RB1: variants seen among roughly 807,000 people sequenced by gnomAD.
The protein encoded by RB1 is retinoblastoma-associated protein.
In RB1, 18 loss-of-function variants were observed where a neutral mutation model predicts 135.4. The ratio of observed to expected loss-of-function variants is 0.13; its 90% CI spans 0.09 to 0.20. The LOEUF (loss-of-function observed/expected upper bound fraction) is 0.20. Among genes scored for constraint, RB1 ranks in the 10% least tolerant of loss-of-function variants. The pLI is 1.00. For missense variants in RB1, 868 were observed against 1,110.0 expected (o/e 0.78, Z 3.10); for synonymous variants, 365 against 373.2 (o/e 0.98, Z 0.25).
chr13:48,310,290 C>G (rs1162847143), intron 2 of RB1, among the ~76,000 whole-genome samples: 1 of 152,080 alleles, frequency 6.6e-6, no homozygotes, highest in African/African-American at 2.4e-5. Flanking sequence ...TGGCAGTTGT[C>G]TCTCTTCTTT....
intron 17 of RB1, among the ~76,000 whole-genome samples, chr13:48,390,042 G>A (rs1480999717): frequency 6.6e-6 from 1 of 152,026 alleles, no homozygotes; most frequent in Non-Finnish European, 1.5e-5. Flanking sequence ...TGGTTCTTGG[G>A]AGGCTGAACT....
rs890397141 is a variant in RB1, at chr13:48,409,651, G to T, written c.1695+28208G>T. On this transcript the variant is annotated intron_variant, in intron 17 of 26. Coordinates refer to ENST00000267163, the MANE Select transcript of RB1 (RefSeq NM_000321.3). ...GCTGGAGTGCAGTGGCGAGATCTTG[G>T]CTCACTGCAACCTCTGACTCCTGGG... Among the ~76,000 whole-genome samples, 3 of 131,974 alleles carry T rather than the reference G, an allele frequency of 2.3e-5. No individual in the cohort carries two copies. In the South Asian group the frequency reaches 7.3e-4, roughly 32 times the overall value. 86.6% of individuals were successfully genotyped at this position (131,974 alleles called of 152,430 possible). A position where few individuals can be genotyped will look rare whatever the true frequency, so the allele number is the denominator to read the frequency against.
At chr13:48,467,806 CAAAG>C (rs1279298758) in intron 23 of RB1, among the ~76,000 whole-genome samples, 1 of 7,020 alleles carries the variant, frequency 1.4e-4, no homozygotes, top group African/African-American at 1.7e-4. Context: ...TCAAAAGAGA[CAAAG>C]AAGGCCATTA....
intron 17 of RB1, chr13:48,404,188 G>A (rs764947019): frequency 6.6e-6 from 1 of 152,172 alleles, no homozygotes; most frequent in Non-Finnish European, 1.5e-5. Flanking sequence ...TACAGACACG[G>A]GGCTAGGGTT....
At chr13:48,393,255 T>C (rs1299440995) in intron 17 of RB1, among the ~76,000 whole-genome samples, 3 of 152,218 alleles carry the variant, frequency 2.0e-5, no homozygotes, top group Non-Finnish European at 4.4e-5. Context: ...GAGTTCTCTT[T>C]TTGTAGCTTT....
chr13:48,458,667 G>A (rs1949377334), intron 19 of RB1, among the ~76,000 whole-genome samples: 2 of 152,186 alleles, frequency 1.3e-5, no homozygotes, highest in South Asian at 4.2e-4. Flanking sequence ...TAAAGTTTAA[G>A]ACCACTGAGA....
intron 19 of RB1, among the ~76,000 whole-genome samples, chr13:48,458,340 T>C (rs562131003): frequency 6.6e-6 from 1 of 152,312 alleles, no homozygotes; most frequent in Admixed American, 6.5e-5. Context: ...TGTGCATGCG[T>C]ATATACTTCC....
chr13:48,317,321 CCTT>C, intron 2 of RB1: 1 of 395,762 alleles, frequency 2.5e-6, no homozygotes, highest in Non-Finnish European at 4.5e-6. Flanking sequence ...CCCTCGGACC[CCTT>C]GTCTTTCCCG....
At chr13:48,332,323 C>T (rs1229904260) in intron 2 of RB1, among the ~76,000 whole-genome samples, 1 of 152,174 alleles carries the variant, frequency 6.6e-6, no homozygotes, top group Non-Finnish European at 1.5e-5. Context: ...AATCCCAGCA[C>T]GTTTGGAGAC....
intron 1 of RB1, among the ~76,000 whole-genome samples, chr13:48,305,596 GT>G (rs1472181262): frequency 6.6e-6 from 1 of 152,066 alleles, no homozygotes; most frequent in Non-Finnish European, 1.5e-5. Flanking sequence ...AAAGAGGACT[GT>G]TTCTTTCATT....
At chr13:48,444,687 AG>A (rs1949271619) in intron 17 of RB1, 1 of 152,332 alleles carries the variant, frequency 6.6e-6, no homozygotes, top group African/African-American at 2.4e-5. Context: ...TCAGCTATCC[AG>A]AAGCTCTCCT....
chr13:48,443,471 A>C (rs953549481), intron 17 of RB1, among the ~76,000 whole-genome samples: 1 of 152,202 alleles, frequency 6.6e-6, no homozygotes, highest in Non-Finnish European at 1.5e-5. Flanking sequence ...CAGTTTACTA[A>C]AATAGCTAAG....
In RB1 at chr13:48,303,925, AC is replaced by A. The variant is rs1131690852; in HGVS notation, c.19del (p.Arg7GlufsTer58). Reference protein sequence around the residue: MPPKTPRKTAATAAA... With the variant: MPPKXPRKTAATAAA... Reference sequence around the variant, plus strand: ...GCGGAAAGGCGTCATGCCGCCCAAAACCCCCCGAAAAACGGCCGCCACCGCC... The same window carrying A: ...GCGGAAAGGCGTCATGCCGCCCAAAACCCCCGAAAAACGGCCGCCACCGCC... On this transcript the variant is annotated frameshift_variant, in exon 1 of 27. Coordinates refer to ENST00000267163, the MANE Select transcript of RB1 (RefSeq NM_000321.3). LOFTEE classifies it high-confidence loss of function. 4 of 1,497,498 alleles carry A rather than the reference AC, an allele frequency of 2.7e-6. No homozygotes were observed. Among genetic ancestry groups the A allele is most frequent in the South Asian group, 2.5e-5 (2 of 81,268 alleles). 92.8% of individuals were successfully genotyped at this position (1,497,498 alleles called of 1,614,324 possible).
At chr13:48,346,888 A>G (rs938187351) in intron 4 of RB1, among the ~76,000 whole-genome samples, 1 of 152,054 alleles carries the variant, frequency 6.6e-6, no homozygotes, top group Non-Finnish European at 1.5e-5. Flanking sequence ...AGCAAGCAAA[A>G]ACTTCTTTAA....
At chr13:48,345,418 A>G (rs1243024227) in intron 4 of RB1, among the ~76,000 whole-genome samples, 1 of 152,106 alleles carries the variant, frequency 6.6e-6, no homozygotes, top group African/African-American at 2.4e-5. Context: ...TTATCCTTTC[A>G]TGTCTTCCAT....
chr13:48,363,856 A>G lies in RB1; in HGVS notation c.861+899A>G, dbSNP rs1952666792. Among the ~76,000 whole-genome samples, 3 of 152,210 alleles carry G rather than the reference A, an allele frequency of 2.0e-5. No individual in the cohort carries two copies. In the South Asian group the frequency reaches 6.2e-4, roughly 32 times the overall value. On this transcript the variant is annotated intron_variant, in intron 8 of 26. Coordinates refer to ENST00000267163, the MANE Select transcript of RB1 (RefSeq NM_000321.3). ...TGATAGCTTATTATTTACAGCGTCT[A>G]CATTAGACTTTGGGATATCTGGTAC... is the stretch of plus-strand genomic sequence containing the variant.
intron 2 of RB1, chr13:48,318,216 C>T (rs1010764970): frequency 2.9e-5 from 18 of 627,860 alleles, no homozygotes; most frequent in Non-Finnish European, 4.7e-5. Flanking sequence ...GCCGCTGTCT[C>T]TCTTGGACTT....
intron 2 of RB1, among the ~76,000 whole-genome samples, chr13:48,340,501 A>G (rs1952432510): frequency 6.6e-6 from 1 of 152,090 alleles, no homozygotes; most frequent in Non-Finnish European, 1.5e-5. Context: ...TGTTCTAATA[A>G]AATTCGCTGT....
intron 17 of RB1, among the ~76,000 whole-genome samples, chr13:48,422,156 G>A (rs1269927238): frequency 6.6e-6 from 1 of 152,180 alleles, no homozygotes; most frequent in Non-Finnish European, 1.5e-5. Context: ...AGAAAATGTG[G>A]CACATATATA....
Sources: allele counts gnomAD v4.1 joint callset (sites outside exome capture counted in the v4.1 genomes callset), GRCh38; gene constraint gnomAD v4.1.1; transcripts MANE v1.5; gene names NCBI Gene and HGNC (gene_info 2026-07-23, HGNC 2026-07-21).